The following PACRG variants were observed in gnomAD, a reference collection of about 807,000 sequenced individuals.
PACRG encodes parkin coregulated gene protein.
Under a neutral mutation model 29.7 loss-of-function variants are expected in PACRG, and 29 were observed. The observed-to-expected ratio is 0.98, with a 90% CI of 0.73 to 1.33. The LOEUF is 1.33. Ranked by LOEUF, PACRG falls within the 40% of genes most tolerant of loss-of-function variation. PACRG has a pLI of 0.00. For missense variants in PACRG, 279 were observed against 316.2 expected (o/e 0.88, Z 0.89); for synonymous variants, 116 against 118.7 (o/e 0.98, Z 0.15).
At chr6:163,213,609 C>A (rs2128155956) in intron 4 of PACRG, among the ~76,000 whole-genome samples, 1 of 152,178 alleles carries the variant, frequency 6.6e-6, no homozygotes, top group African/African-American at 2.4e-5. Context: ...GATCATTGAC[C>A]ATTTATACTT....
chr6:162,986,131 A>G (rs911754588), intron 2 of PACRG, among the ~76,000 whole-genome samples: 1 of 152,162 alleles, frequency 6.6e-6, no homozygotes, highest in Non-Finnish European at 1.5e-5. Context: ...GAAAATGACC[A>G]TACTGCCAAA....
intron 2 of PACRG, among the ~76,000 whole-genome samples, chr6:163,021,852 C>A (rs1344075078): frequency 6.6e-6 from 1 of 152,188 alleles, no homozygotes; most frequent in Non-Finnish European, 1.5e-5. Context: ...CTCAGGGGAG[C>A]CTGCTCCCTG....
chr6:163,004,571 A>G (rs1233552215), intron 2 of PACRG, among the ~76,000 whole-genome samples: 1 of 151,788 alleles, frequency 6.6e-6, no homozygotes, highest in Non-Finnish European at 1.5e-5. Flanking sequence ...AACCACCCCC[A>G]TGATTCAGTT....
chr6:163,250,867 G>C (rs2128172094), intron 4 of PACRG, among the ~76,000 whole-genome samples: 1 of 142,704 alleles, frequency 7.0e-6, no homozygotes, highest in East Asian at 2.0e-4. Flanking sequence ...ATCAATGAGT[G>C]GATAAAGAAA....
intron 4 of PACRG, among the ~76,000 whole-genome samples, chr6:163,184,371 A>G (rs757766355): frequency 7.9e-5 from 12 of 152,152 alleles, no homozygotes; most frequent in Non-Finnish European, 1.2e-4. Flanking sequence ...ATCTCTTTAT[A>G]CTGTCCATAC....
intron 4 of PACRG, among the ~76,000 whole-genome samples, chr6:163,117,738 C>G (rs1006752457): frequency 7.2e-6 from 1 of 138,246 alleles, no homozygotes; most frequent in Non-Finnish European, 1.5e-5. Context: ...GTGACAAGAA[C>G]GAGACTCTGT....
rs138551432 is a variant in PACRG at position 163,003,339 on chromosome 6, A to G, written c.292-58811A>G. 6.0e-3 allele frequency among the ~76,000 whole-genome samples: 916 copies of G among 152,332 alleles called. 12 individuals carry two copies. Among genetic ancestry groups the G allele is most frequent in the African/African-American group, 0.021 (884 of 41,574 alleles). ...AAAGAATACCATAAAGCTTGCTTCAATAATTCACTTTACTTGCATAATTCC... is the reference window on the plus strand; with the variant it reads ...AAAGAATACCATAAAGCTTGCTTCAGTAATTCACTTTACTTGCATAATTCC... On this transcript the variant is annotated intron_variant, in intron 2 of 4. Coordinates refer to ENST00000366888, the MANE Select transcript of PACRG (RefSeq NM_001080379.2).
chr6:163,276,072 G>T (rs955884503), intron 4 of PACRG, among the ~76,000 whole-genome samples: 1 of 147,664 alleles, frequency 6.8e-6, no homozygotes, highest in Non-Finnish European at 1.5e-5. Context: ...TATCACCCAA[G>T]CTGGAATGCA....
intron 2 of PACRG, among the ~76,000 whole-genome samples, chr6:162,838,800 A>C (rs953510814): frequency 3.9e-5 from 5 of 129,440 alleles, no homozygotes; most frequent in Admixed American, 1.9e-4. Flanking sequence ...TGTCCATGTG[A>C]TCTCATTGTT....
At chr6:162,886,355 C>T (rs1323959547) in intron 2 of PACRG, among the ~76,000 whole-genome samples, 2 of 152,206 alleles carry the variant, frequency 1.3e-5, no homozygotes, top group South Asian at 2.1e-4. Flanking sequence ...CATCCATCTC[C>T]TTCCTCCTGG....
chr6:163,298,315 A>G lies in PACRG; in HGVS notation c.614-16512A>G, dbSNP rs187269487. Among the ~76,000 whole-genome samples the G allele has an allele frequency of 5.8e-3, 890 of 152,234 alleles. 1 individual carries two copies. Among genetic ancestry groups the G allele is most frequent in the Middle Eastern group, 0.01 (3 of 294 alleles). On this transcript the variant is annotated intron_variant, in intron 4 of 4. Transcript: ENST00000366888. Reference sequence around the variant, plus strand: ...TGGGAAAAGGTTAACCCTCCTTAGTAATTAGAAAAATGCTAACTAAAGCAA... The same window carrying G: ...TGGGAAAAGGTTAACCCTCCTTAGTGATTAGAAAAATGCTAACTAAAGCAA...
chr6:162,876,912 C>A (rs921123217), intron 2 of PACRG, among the ~76,000 whole-genome samples: 2 of 151,976 alleles, frequency 1.3e-5, no homozygotes, highest in African/African-American at 4.8e-5. Context: ...GGGTCCACGC[C>A]AGTTAGAATA....
chr6:163,122,337 G>A (rs1358865513), intron 4 of PACRG, among the ~76,000 whole-genome samples: 1 of 151,500 alleles, frequency 6.6e-6, no homozygotes, highest in Admixed American at 6.6e-5. Context: ...TTACTGAGAT[G>A]TAATTGTGCT....
chr6:162,760,544 G>A (rs904278060), intron 1 of PACRG, among the ~76,000 whole-genome samples: 10 of 152,122 alleles, frequency 6.6e-5, no homozygotes, highest in African/African-American at 9.7e-5. Context: ...CAAACTAGGC[G>A]CTTATGTTTT....
intron 1 of PACRG, among the ~76,000 whole-genome samples, chr6:162,729,913 A>C (rs1779620650): frequency 6.6e-6 from 1 of 152,130 alleles, no homozygotes; most frequent in Non-Finnish European, 1.5e-5. Flanking sequence ...TTCTTTATAA[A>C]CAACTTAATT....
intron 4 of PACRG, among the ~76,000 whole-genome samples, chr6:163,231,362 C>T (rs1049242716): frequency 2.0e-5 from 3 of 152,196 alleles, no homozygotes; most frequent in Admixed American, 1.3e-4. Context: ...ACATCCTGCT[C>T]GAACATGGCC....
chr6:162,819,201 C>T (rs1429152229), intron 2 of PACRG, among the ~76,000 whole-genome samples: 1 of 152,064 alleles, frequency 6.6e-6, no homozygotes, highest in Admixed American at 6.6e-5. Context: ...ACTTAGGTGG[C>T]CTCTACTCAC....
chr6:163,303,790 C>A (rs1785092610), intron 4 of PACRG, among the ~76,000 whole-genome samples: 1 of 151,898 alleles, frequency 6.6e-6, no homozygotes, highest in Admixed American at 6.6e-5. Context: ...GGGGGGATCA[C>A]CTGAGGTCAG....
In PACRG at chr6:162,984,532, C is replaced by T. The variant is rs566585953; in HGVS notation, c.292-77618C>T. ...AACTTCTTTTCCTTTGGATAGATAC[C>T]TAGTAGTGGGATTTCTGGATCAAAT... is the stretch of plus-strand genomic sequence containing the variant. On this transcript the variant is annotated intron_variant, in intron 2 of 4. Coordinates refer to ENST00000366888, the MANE Select transcript of PACRG (RefSeq NM_001080379.2). Among the ~76,000 whole-genome samples the T allele has an allele frequency of 2.0e-4, 31 of 152,146 alleles. No homozygotes were observed. The South Asian group carries it at 6.4e-3, about 32-fold the overall frequency.
Sources: allele counts gnomAD v4.1 joint callset (sites outside exome capture counted in the v4.1 genomes callset), GRCh38; gene constraint gnomAD v4.1.1; transcripts MANE v1.5; gene names NCBI Gene and HGNC (gene_info 2026-07-23, HGNC 2026-07-21).